The following VAT1L variants were observed in gnomAD, a reference collection of about 807,000 sequenced individuals.
VAT1L encodes vesicle amine transport 1 like.
In VAT1L, 34 loss-of-function variants were observed where a neutral mutation model predicts 44.1. The ratio of observed to expected loss-of-function variants is 0.77; its 90% CI spans 0.59 to 1.03. VAT1L has a LOEUF of 1.03. VAT1L is among the 50% of genes least tolerant of loss of function. The pLI, the probability that VAT1L is intolerant of heterozygous loss-of-function variation, is 0.00. For synonymous variants in VAT1L, 253 were observed against 202.2 expected, an observed-to-expected ratio of 1.25 and a Z score of -2.13; for missense variants, 615 against 538.8, an observed-to-expected ratio of 1.14 and a Z score of -1.40.
intron 7 of VAT1L, among the ~76,000 whole-genome samples, chr16:77,896,841 G>A (rs544410629): frequency 2.0e-5 from 3 of 152,140 alleles, no homozygotes; most frequent in Non-Finnish European, 4.4e-5. Context: ...TTGCCTTTAC[G>A]CCTGTCATTC....
In VAT1L at chr16:77,970,235, C is replaced by A. The variant is rs80114001; in HGVS notation, c.1078-1615C>A. Reference sequence around the variant, plus strand: ...AAGGCAACAGAGCAAGACCCTGTCCCCCCAAAAATGTGTTGATTCCGATCA... The same window carrying A: ...AAGGCAACAGAGCAAGACCCTGTCCACCCAAAAATGTGTTGATTCCGATCA... On this transcript the variant is annotated intron_variant, in intron 7 of 8. Coordinates refer to ENST00000302536, the MANE Select transcript of VAT1L (RefSeq NM_020927.3). Among the ~76,000 whole-genome samples the A allele has an allele frequency of 3.1e-3, 478 of 152,052 alleles. 5 individuals are homozygous for A. Among genetic ancestry groups the A allele is most frequent in the African/African-American group, 0.011 (468 of 41,462 alleles).
intron 1 of VAT1L, among the ~76,000 whole-genome samples, chr16:77,794,200 G>C (rs747648552): frequency 1.8e-4 from 27 of 152,290 alleles, no homozygotes; most frequent in Admixed American, 7.2e-4. Context: ...CGGGCACACA[G>C]ACAGGAATAC....
At chr16:77,847,532 A>G (rs1218078545) in intron 3 of VAT1L, among the ~76,000 whole-genome samples, 2 of 152,216 alleles carry the variant, frequency 1.3e-5, no homozygotes, top group East Asian at 1.9e-4. Context: ...CTGCCTGTCC[A>G]TCAGAGTGTG....
intron 7 of VAT1L, among the ~76,000 whole-genome samples, chr16:77,903,553 T>C (rs1239704068): frequency 2.0e-5 from 3 of 152,186 alleles, no homozygotes; most frequent in African/African-American, 7.2e-5. Context: ...TGTACAAAAA[T>C]GGAAAAATCA....
chr16:77,802,999 T>G (rs918584689), intron 1 of VAT1L, among the ~76,000 whole-genome samples: 12 of 152,302 alleles, frequency 7.9e-5, no homozygotes, highest in South Asian at 6.2e-4. Context: ...GAAGAAAGAA[T>G]AGGGCTCAAA....
chr16:77,881,425 G>A (rs2017154592), intron 6 of VAT1L, among the ~76,000 whole-genome samples: 1 of 152,182 alleles, frequency 6.6e-6, no homozygotes, highest in African/African-American at 2.4e-5. Flanking sequence ...ATTATAAATG[G>A]CTATTAAACC....
intron 3 of VAT1L, among the ~76,000 whole-genome samples, chr16:77,861,836 G>A (rs1021242168): frequency 2.6e-5 from 4 of 152,192 alleles, no homozygotes; most frequent in African/African-American, 9.6e-5. Flanking sequence ...TAACTCAGAG[G>A]CGTATTCTAC....
chr16:77,832,988 A>G lies in VAT1L; in HGVS notation c.579+7527A>G, dbSNP rs1047732707. On this transcript the variant is annotated intron_variant, in intron 3 of 8. Coordinates refer to ENST00000302536, the MANE Select transcript of VAT1L (RefSeq NM_020927.3). ...ACCGCAGGAGTATATTTTGTTGAAA[A>G]GAAAACCATCATTGACCCTAAAAGG... Among the ~76,000 whole-genome samples the G allele has an allele frequency of 2.6e-5, 4 of 152,226 alleles. No homozygotes were observed. The South Asian group carries it at 8.3e-4, about 32-fold the overall frequency.
At chr16:77,846,119 C>A (rs566625184) in intron 3 of VAT1L, among the ~76,000 whole-genome samples, 1 of 152,116 alleles carries the variant, frequency 6.6e-6, no homozygotes, top group African/African-American at 2.4e-5. Context: ...CTTTGCCTAT[C>A]CTATGTAATG....
In VAT1L at chr16:77,802,384, A is replaced by AG. The variant is rs369904380; in HGVS notation, c.233+13475dup. Among the ~76,000 whole-genome samples, 1,428 of 152,180 alleles carry AG rather than the reference A, an allele frequency of 9.4e-3. 23 individuals are homozygous for AG. Among genetic ancestry groups the AG allele is most frequent in the African/African-American group, 0.032 (1,321 of 41,524 alleles). On this transcript the variant is annotated intron_variant, in intron 1 of 8. Transcript: ENST00000302536. Reference sequence around the variant, plus strand: ...GTAATCCCAGCACTTTGGGAGGGCAAGGGGGGTGGAGCACAAGGTCAGGAG... The same window carrying AG: ...GTAATCCCAGCACTTTGGGAGGGCAAGGGGGGGTGGAGCACAAGGTCAGGAG...
chr16:77,923,949 T>TC (rs549064501), intron 7 of VAT1L, among the ~76,000 whole-genome samples: 1 of 151,732 alleles, frequency 6.6e-6, no homozygotes, highest in Non-Finnish European at 1.5e-5. Flanking sequence ...GGGTCTGCCT[T>TC]CCCCCCCTCC....
intron 3 of VAT1L, among the ~76,000 whole-genome samples, chr16:77,838,056 A>C (rs1372105409): frequency 6.6e-6 from 1 of 152,156 alleles, no homozygotes; most frequent in African/African-American, 2.4e-5. Flanking sequence ...ATGCTCTATG[A>C]ACTGGTGAGA....
intron 1 of VAT1L, among the ~76,000 whole-genome samples, chr16:77,804,450 G>A (rs530149279): frequency 6.6e-6 from 1 of 152,224 alleles, no homozygotes; most frequent in East Asian, 1.9e-4. Flanking sequence ...TGGCTGTTTT[G>A]TTCTGTGTTG....
chr16:77,863,183 A>C (rs771935531), intron 4 of VAT1L, among the ~76,000 whole-genome samples: 2 of 152,222 alleles, frequency 1.3e-5, no homozygotes, highest in African/African-American at 2.4e-5. Flanking sequence ...ATTCATTCAC[A>C]TGATAGCTTA....
intron 7 of VAT1L, among the ~76,000 whole-genome samples, chr16:77,935,066 T>C (rs1329943749): frequency 6.6e-6 from 1 of 152,222 alleles, no homozygotes; most frequent in Non-Finnish European, 1.5e-5. Context: ...TGGGCAGGTC[T>C]CTTCTGTCTT....
intron 3 of VAT1L, among the ~76,000 whole-genome samples, chr16:77,832,880 C>T (rs540197331): frequency 3.9e-5 from 6 of 152,274 alleles, no homozygotes; most frequent in African/African-American, 7.2e-5. Context: ...GAGCAAGTGA[C>T]GATCTTCAGT....
chr16:77,791,975 C>G (rs908370259), intron 1 of VAT1L, among the ~76,000 whole-genome samples: 3 of 152,160 alleles, frequency 2.0e-5, no homozygotes, highest in African/African-American at 7.2e-5. Context: ...GCATGTGGCC[C>G]TTGAAGAGAG....
At chr16:77,921,422 TG>T (rs2017610712) in intron 7 of VAT1L, among the ~76,000 whole-genome samples, 1 of 152,200 alleles carries the variant, frequency 6.6e-6, no homozygotes, top group African/African-American at 2.4e-5. Flanking sequence ...GGAGAACCCA[TG>T]GAAGAAATAC....
intron 7 of VAT1L, among the ~76,000 whole-genome samples, chr16:77,962,376 T>C (rs1228954258): frequency 2.0e-5 from 3 of 152,060 alleles, no homozygotes; most frequent in African/African-American, 7.2e-5. Context: ...GGCTGTCCCT[T>C]TGGCTTCAAC....
Sources: gnomAD v4.1 joint callset for allele counts (sites outside exome capture counted in the v4.1 genomes callset) on GRCh38, gnomAD v4.1.1 for gene constraint, MANE v1.5 for transcripts, NCBI Gene and HGNC (gene_info 2026-07-23, HGNC 2026-07-21) for gene names.